EPHA2: variants seen among roughly 807,000 people sequenced by gnomAD.
EPHA2 encodes ephrin type-A receptor 2.
Under a neutral mutation model 104.9 loss-of-function variants are expected in EPHA2, and 54 were observed. The ratio of observed to expected loss-of-function variants is 0.51; its 90% CI spans 0.41 to 0.65. EPHA2 has a LOEUF of 0.65. Ranked by LOEUF, EPHA2 falls within the 30% of genes least tolerant of loss-of-function variation. The pLI, the probability that EPHA2 is intolerant of heterozygous loss-of-function variation, is 0.00. For synonymous variants in EPHA2, 560 were observed against 559.1 expected, an observed-to-expected ratio of 1.00 and a Z score of -0.02; for missense variants, 1,117 against 1,369.5, an observed-to-expected ratio of 0.82 and a Z score of 2.91.
intron 2 of EPHA2, among the ~76,000 whole-genome samples, chr1:16,149,964 C>T (rs1455523618): frequency 6.6e-6 from 1 of 152,182 alleles, no homozygotes; most frequent in African/African-American, 2.4e-5. Context: ...TACTGTGTGG[C>T]GTTGGCCAAG....
intron 1 of EPHA2, chr1:16,153,272 C>A (rs926855680): frequency 9.1e-6 from 9 of 985,326 alleles, no homozygotes; most frequent in African/African-American, 1.7e-5. Context: ...TTCTCCGCAG[C>A]CTCCGAGGCT....
At chr1:16,138,875 C>T (rs72636524) in intron 3 of EPHA2, among the ~76,000 whole-genome samples, 149 of 152,300 alleles carry the variant, frequency 9.8e-4, no homozygotes, top group Non-Finnish European at 1.3e-3. Context: ...GCAATGACTG[C>T]CTCTTCTTGA....
chr1:16,138,343 GC>G lies in EPHA2; in HGVS notation c.910del (p.Ala304ProfsTer89), dbSNP rs750358683. On this transcript the variant is annotated frameshift_variant, in exon 4 of 17. Coordinates refer to ENST00000358432, the MANE Select transcript of EPHA2 (RefSeq NM_004431.5). LOFTEE classifies it high-confidence loss of function. ...GCCTTCCTCACACTCGCAGGAGGTG[GC>G]ACCCTCAGGGGATGGCAGCGTGTGC... ...PEHTLPSPEG[A>X]TSCECEEGFF... 1 of 1,613,818 alleles carries G rather than the reference GC, an allele frequency of 6.2e-7. No homozygotes were observed. Among genetic ancestry groups the G allele is most frequent in the Non-Finnish European group, 8.5e-7 (1 of 1,179,954 alleles).
rs2024968775 is a variant in EPHA2, at chr1:16,148,316, G to T, written c.823+62C>A. ...CTTACCAAGATTCCATGATTCCAAAGCTAAAGACCAGAACCTGGGAATGCA... is the reference window on the plus strand; with the variant it reads ...CTTACCAAGATTCCATGATTCCAAATCTAAAGACCAGAACCTGGGAATGCA... On this transcript the variant is annotated intron_variant, in intron 3 of 16. Transcript: ENST00000358432. The surrounding 1 kb of genome is among the most constrained non-coding windows in gnomAD (Gnocchi z 4.9). 1.9e-6 allele frequency: 3 copies of T among 1,599,228 alleles called. No homozygotes were observed. Among genetic ancestry groups the T allele is most frequent in the Non-Finnish European group, 1.7e-6 (2 of 1,172,092 alleles).
At chr1:16,129,981 G>A (rs565844785) in intron 15 of EPHA2, among the ~76,000 whole-genome samples, 1 of 152,290 alleles carries the variant, frequency 6.6e-6, no homozygotes, top group Non-Finnish European at 1.5e-5. Context: ...CATCTCGTAG[G>A]TTGTTTAAAT....
chr1:16,143,494 G>A (rs1032804409), intron 3 of EPHA2, among the ~76,000 whole-genome samples: 4 of 152,076 alleles, frequency 2.6e-5, no homozygotes, highest in African/African-American at 4.8e-5. Context: ...GGGCTACTCC[G>A]AGCAGGGGAA....
chr1:16,140,420 C>T (rs887430743), intron 3 of EPHA2, among the ~76,000 whole-genome samples: 15 of 152,168 alleles, frequency 9.9e-5, no homozygotes, highest in African/African-American at 2.4e-4. Flanking sequence ...GCGCAGGGCT[C>T]GGGCTAAGCA....
rs979453312 is a variant in EPHA2 at position 16,125,640 on chromosome 1, G to A, written c.2826-320C>T. 6.6e-6 allele frequency among the ~76,000 whole-genome samples: 1 copy of A among 152,158 alleles called. No homozygotes were observed. Among genetic ancestry groups the A allele is most frequent in the African/African-American group, 2.4e-5 (1 of 41,434 alleles). On this transcript the variant is annotated intron_variant, in intron 16 of 16. Coordinates refer to ENST00000358432, the MANE Select transcript of EPHA2 (RefSeq NM_004431.5). The surrounding 1 kb of genome is among the most constrained non-coding windows in gnomAD (Gnocchi z 4.9). ...CTTCTGAATTATCTGTGAGGCAGGTGCTCTTTTTCATCCCCATTTTGCAGA... is the reference window on the plus strand; with the variant it reads ...CTTCTGAATTATCTGTGAGGCAGGTACTCTTTTTCATCCCCATTTTGCAGA...
At position 16,135,597 on chromosome 1, in the gene EPHA2, C is replaced by A. The variant is rs762676954; in HGVS notation, c.1428+58G>T. On this transcript the variant is annotated intron_variant, in intron 6 of 16. Transcript: ENST00000358432. This position sits in a 1 kb window ranked among gnomAD's most constrained non-coding sequence, Gnocchi z 4.3. Reference sequence around the variant, plus strand: ...GGTGGTTTGGTGATCATCTATGTGACCAGCCTGTCCCCTGCTGTCGGCCCA... The same window carrying A: ...GGTGGTTTGGTGATCATCTATGTGAACAGCCTGTCCCCTGCTGTCGGCCCA... 2.0e-5 allele frequency: 30 copies of A among 1,510,378 alleles called. No homozygotes were observed. The highest frequency in any genetic ancestry group is 8.2e-5 in the African/African-American group (6 of 72,858). The allele number at this position is 1,510,378 out of a possible 1,614,324, so 93.6% of individuals were successfully genotyped here. A position where few individuals can be genotyped will look rare whatever the true frequency, so the allele number is the denominator to read the frequency against.
chr1:16,154,944 C>A (rs2124279875), intron 1 of EPHA2, among the ~76,000 whole-genome samples: 1 of 152,140 alleles, frequency 6.6e-6, no homozygotes, highest in Non-Finnish European at 1.5e-5. Context: ...AGGGCAGGAG[C>A]CCCCATCCTC....
rs1162965959 is a variant in EPHA2, at chr1:16,132,475, G to T, written c.2054-36C>A. 1.9e-6 allele frequency: 3 copies of T among 1,612,132 alleles called. No homozygotes were observed. In the Admixed American group the frequency reaches 5.0e-5, roughly 27 times the overall value. Reference sequence around the variant, plus strand: ...GTGGGCACAGGTGAGAGGTAAGTGGGCCCAGGCATGTGGGAGAGGTGGGCA... The same window carrying T: ...GTGGGCACAGGTGAGAGGTAAGTGGTCCCAGGCATGTGGGAGAGGTGGGCA... On this transcript the variant is annotated intron_variant, in intron 11 of 16. Transcript: ENST00000358432.
In EPHA2 at chr1:16,131,307, C is replaced by T. The variant is rs1016599837; in HGVS notation, c.2475+414G>A. Among the ~76,000 whole-genome samples the T allele has an allele frequency of 3.6e-4, 55 of 152,240 alleles. No homozygotes were observed. The highest frequency in any genetic ancestry group is 1.3e-3 in the African/African-American group (53 of 41,538). ...CAAGAAATATTTACGGGGCTGGGTG[C>T]GGTGGCTTACCCCTGTAATCCCAGC... On this transcript the variant is annotated intron_variant, in intron 14 of 16. Transcript: ENST00000358432. This position sits in a 1 kb window ranked among gnomAD's most constrained non-coding sequence, Gnocchi z 5.2.
Position 16,134,748 on chromosome 1 carries a change from G to A in EPHA2, c.1583-181C>T, listed in dbSNP as rs1437235619. Among the ~76,000 whole-genome samples the A allele has an allele frequency of 3.3e-5, 5 of 152,234 alleles. No homozygotes were observed. Among genetic ancestry groups the A allele is most frequent in the South Asian group, 2.1e-4 (1 of 4,826 alleles). Reference sequence around the variant, plus strand: ...GCGGAGGCCTTCCCGAAGGTCTCACGGGAGGTATTGCAGGTATGTGGGGCT... The same window carrying A: ...GCGGAGGCCTTCCCGAAGGTCTCACAGGAGGTATTGCAGGTATGTGGGGCT... On this transcript the variant is annotated intron_variant, in intron 7 of 16. Transcript: ENST00000358432. This position sits in a 1 kb window ranked among gnomAD's most constrained non-coding sequence, Gnocchi z 4.5.
At chr1:16,137,662 G>A (rs1216760674) in intron 5 of EPHA2, among the ~76,000 whole-genome samples, 191 bp downstream of exon 5, 1 of 152,264 alleles carries the variant, frequency 6.6e-6, no homozygotes, top group Non-Finnish European at 1.5e-5. Flanking sequence ...ACGAATTTGT[G>A]TTGGGCCGCA....
intron 3 of EPHA2, among the ~76,000 whole-genome samples, chr1:16,138,793 C>A (rs1046684663): frequency 6.6e-5 from 10 of 152,212 alleles, no homozygotes; most frequent in African/African-American, 2.4e-4. Flanking sequence ...CGCTGCCCAC[C>A]GGCCTCATCC....
intron 16 of EPHA2, among the ~76,000 whole-genome samples, chr1:16,127,572 G>T (rs536041494): frequency 6.6e-6 from 1 of 152,204 alleles, no homozygotes; most frequent in Non-Finnish European, 1.5e-5. Context: ...GGAAAGGCAC[G>T]CATTCCCCTG....
In EPHA2 at chr1:16,148,246, A is replaced by T; in HGVS notation, c.823+132T>A. 1.7e-6 allele frequency: 2 copies of T among 1,158,812 alleles called. No homozygotes were observed. The highest frequency in any genetic ancestry group is 2.5e-6 in the Non-Finnish European group (2 of 786,046). 71.8% of individuals were successfully genotyped at this position (1,158,812 alleles called of 1,614,324 possible). A position where few individuals can be genotyped will look rare whatever the true frequency, so the allele number is the denominator to read the frequency against. On this transcript the variant is annotated intron_variant, in intron 3 of 16. Transcript: ENST00000358432. This position sits in a 1 kb window ranked among gnomAD's most constrained non-coding sequence, Gnocchi z 4.9. ...GGAAACTGATGTCTGGGAAGGATCT[A>T]TAATTTCCACTAACAGAACTAATGT...
chr1:16,151,031 G>A, intron 1 of EPHA2, 68 bp from the exon 2 acceptor site: 2 of 1,534,558 alleles, frequency 1.3e-6, no homozygotes, highest in Admixed American at 1.7e-5. Context: ...GGCAGGAAAG[G>A]TGAGGATCCC....
Position 16,151,594 on chromosome 1 carries a change from T to C in EPHA2, c.86-631A>G, listed in dbSNP as rs142837888. Among the ~76,000 whole-genome samples the C allele has an allele frequency of 8.8e-3, 1,341 of 152,096 alleles. 18 individuals are homozygous for C. The highest frequency in any genetic ancestry group is 0.011 in the Non-Finnish European group (767 of 67,964). On this transcript the variant is annotated intron_variant, in intron 1 of 16. Transcript: ENST00000358432. ...AGGGAAGAGGGTATCTGGAAACCGA[T>C]CTTCTCACCACAAAAGCCACAGAGC...
Sources: gnomAD v4.1 joint callset for allele counts (sites outside exome capture counted in the v4.1 genomes callset) on GRCh38, gnomAD v4.1.1 for gene constraint, Gnocchi (gnomAD v3.1) non-coding constraint, MANE v1.5 for transcripts, NCBI Gene and HGNC (gene_info 2026-07-23, HGNC 2026-07-21) for gene names.